Variants in EIPR1 observed in about 807,000 individuals in gnomAD.
The protein encoded by EIPR1 is EARP complex and GARP complex interacting protein 1.
A neutral mutation model predicts 48.1 loss-of-function variants in EIPR1; 25 were observed. The ratio of observed to expected loss-of-function variants is 0.52; its 90% CI spans 0.38 to 0.73. The LOEUF is 0.73. Ranked by LOEUF, EIPR1 falls within the 30% of genes least tolerant of loss-of-function variation. EIPR1 has a pLI of 0.00. For synonymous variants in EIPR1, 204 were observed against 201.9 expected (o/e 1.01, Z -0.09); for missense variants, 415 against 506.2 (o/e 0.82, Z 1.73).
chr2:3,234,117 G>C (rs1359593616), intron 4 of EIPR1, among the ~76,000 whole-genome samples: 1 of 152,126 alleles, frequency 6.6e-6, no homozygotes, highest in Non-Finnish European at 1.5e-5. Context: ...TGAGGGCGTG[G>C]TGTGGATCCA....
intron 3 of EIPR1, among the ~76,000 whole-genome samples, chr2:3,279,895 GAAGT>G (rs1667966098): frequency 1.3e-5 from 2 of 152,258 alleles, no homozygotes; most frequent in South Asian, 4.1e-4. Flanking sequence ...TGGCTAAAAA[GAAGT>G]AACAGGACCT....
At chr2:3,360,862 A>G (rs1019478027) in intron 1 of EIPR1, among the ~76,000 whole-genome samples, 3 of 151,992 alleles carry the variant, frequency 2.0e-5, no homozygotes, top group Non-Finnish European at 2.9e-5. Context: ...GACCGCTACA[A>G]AGCGCTGCTC....
In EIPR1 at chr2:3,307,275, G is replaced by A. The variant is rs1668976184; in HGVS notation, c.259+30742C>T. On this transcript the variant is annotated intron_variant, in intron 3 of 8. Coordinates refer to ENST00000382125, the MANE Select transcript of EIPR1 (RefSeq NM_003310.5). Reference sequence around the variant, plus strand: ...CTGTGCCCAGCCCAAATTCCAATATGTGTCAAAAACTCCAGACAGCCCCTC... The same window carrying A: ...CTGTGCCCAGCCCAAATTCCAATATATGTCAAAAACTCCAGACAGCCCCTC... Among the ~76,000 whole-genome samples the A allele has an allele frequency of 2.0e-5, 3 of 152,236 alleles. No homozygotes were observed. The South Asian group carries it at 6.2e-4, about 32-fold the overall frequency.
chr2:3,350,878 T>A (rs1670551332), intron 2 of EIPR1, among the ~76,000 whole-genome samples: 1 of 148,794 alleles, frequency 6.7e-6, no homozygotes, highest in African/African-American at 2.5e-5. Context: ...ACTCTTCAAT[T>A]TAGAAGAAAG....
intron 3 of EIPR1, among the ~76,000 whole-genome samples, chr2:3,306,040 C>T (rs992965343): frequency 2.6e-5 from 4 of 152,324 alleles, no homozygotes; most frequent in South Asian, 4.1e-4. Flanking sequence ...TGTAAAGCCA[C>T]GCCTTTTACA....
chr2:3,199,364 C>T (rs529835608), intron 5 of EIPR1, among the ~76,000 whole-genome samples: 78 of 152,162 alleles, frequency 5.1e-4, no homozygotes, highest in African/African-American at 1.8e-3. Flanking sequence ...CCTCAGCTTA[C>T]GAAGATGACG....
chr2:3,298,690 T>C (rs1668672781), intron 3 of EIPR1, among the ~76,000 whole-genome samples: 1 of 151,656 alleles, frequency 6.6e-6, no homozygotes, highest in African/African-American at 2.4e-5. Context: ...TCAGAAATGC[T>C]CCACACAAGG....
intron 4 of EIPR1, among the ~76,000 whole-genome samples, chr2:3,248,954 G>C (rs1368518041): frequency 6.6e-6 from 1 of 152,216 alleles, no homozygotes; most frequent in East Asian, 1.9e-4. Flanking sequence ...GTGGAACTGT[G>C]AGCCAAATAA....
intron 2 of EIPR1, among the ~76,000 whole-genome samples, chr2:3,343,696 C>G (rs934344201): frequency 1.3e-5 from 2 of 152,178 alleles, no homozygotes; most frequent in South Asian, 4.2e-4. Context: ...AACTTAATCA[C>G]CTCTCCCTCC....
chr2:3,293,955 G>C (rs1355661365), intron 3 of EIPR1, among the ~76,000 whole-genome samples: 1 of 152,100 alleles, frequency 6.6e-6, no homozygotes, highest in Non-Finnish European at 1.5e-5. Context: ...GTGGCTATTT[G>C]AACACCACAG....
chr2:3,291,951 C>A (rs532352934), intron 3 of EIPR1, among the ~76,000 whole-genome samples: 2 of 152,236 alleles, frequency 1.3e-5, no homozygotes, highest in African/African-American at 4.8e-5. Flanking sequence ...GTCCTGTGGC[C>A]GTCAGGGGCC....
chr2:3,256,319 G>A (rs894786328), intron 4 of EIPR1, among the ~76,000 whole-genome samples: 7 of 152,032 alleles, frequency 4.6e-5, no homozygotes, highest in African/African-American at 1.4e-4. Flanking sequence ...TGCTCCTTCC[G>A]GGGCCACAGC....
In EIPR1 at chr2:3,305,007, G is replaced by A. The variant is rs529652943; in HGVS notation, c.259+33010C>T. Among the ~76,000 whole-genome samples the A allele has an allele frequency of 2.8e-5, 3 of 108,422 alleles. No individual in the cohort carries two copies. The East Asian group carries it at 8.5e-4, about 31-fold the overall frequency. 71.1% of individuals were successfully genotyped at this position (108,422 alleles called of 152,430 possible). A position where few individuals can be genotyped will look rare whatever the true frequency, so the allele number is the denominator to read the frequency against. On this transcript the variant is annotated intron_variant, in intron 3 of 8. Transcript: ENST00000382125. Reference sequence around the variant, plus strand: ...CAGTTCAACCCTCCACTCCCGTCCAGTTCAACCCTCCACTCCTGTCCAGTT... The same window carrying A: ...CAGTTCAACCCTCCACTCCCGTCCAATTCAACCCTCCACTCCTGTCCAGTT...
intron 4 of EIPR1, among the ~76,000 whole-genome samples, chr2:3,234,150 G>A (rs1331661857): frequency 6.6e-6 from 1 of 152,106 alleles, no homozygotes; most frequent in African/African-American, 2.4e-5. Flanking sequence ...AATTAAAAAT[G>A]AAACAAAACA....
intron 3 of EIPR1, chr2:3,318,800 C>T (rs573201594): frequency 1.2e-4 from 57 of 465,422 alleles, no homozygotes; most frequent in African/African-American, 1.1e-3. Context: ...TCGATCGCCA[C>T]ACATGCACCC....
chr2:3,284,013 G>A (rs906903029), intron 3 of EIPR1, among the ~76,000 whole-genome samples: 28 of 152,290 alleles, frequency 1.8e-4, no homozygotes, highest in African/African-American at 5.5e-4. Flanking sequence ...GAGGATGTGC[G>A]AGGGAGCGGT....
chr2:3,347,482 T>C (rs768383225), intron 2 of EIPR1, among the ~76,000 whole-genome samples: 10 of 152,328 alleles, frequency 6.6e-5, no homozygotes, highest in Middle Eastern at 6.8e-3. Context: ...CCACGTAAGA[T>C]GTGACTTGCT....
chr2:3,285,339 A>ACCCCCAC (rs1668149680), intron 3 of EIPR1, among the ~76,000 whole-genome samples: 1 of 36,122 alleles, frequency 2.8e-5, no homozygotes, highest in Non-Finnish European at 6.0e-5. Flanking sequence ...CCCCACCCCC[A>ACCCCCAC]CCCCCCAGGT....
intron 3 of EIPR1, among the ~76,000 whole-genome samples, chr2:3,294,913 G>GCA (rs34509649): frequency 0.78 from 51,819 of 66,826 alleles, 20,375 homozygotes; most frequent in East Asian, 0.81. Context: ...TTCTCTCCCT[G>GCA]CACACACACC....
Sources: allele counts gnomAD v4.1 joint callset (sites outside exome capture counted in the v4.1 genomes callset), GRCh38; gene constraint gnomAD v4.1.1; transcripts MANE v1.5; gene names NCBI Gene and HGNC (gene_info 2026-07-23, HGNC 2026-07-21).